Variants in MTNR1A observed in about 807,000 individuals in gnomAD.
The protein encoded by MTNR1A is melatonin receptor type 1A.
MTNR1A carries 7 observed loss-of-function variants against 5.5 expected under a neutral mutation model. That is an observed-to-expected ratio of 1.28 (90% CI 0.73 to 2.40). The LOEUF is 2.40. MTNR1A is among the 30% of genes most tolerant of loss of function. The pLI, the probability that MTNR1A is intolerant of heterozygous loss-of-function variation, is 0.00. For synonymous variants in MTNR1A, 196 were observed against 202.7 expected, an observed-to-expected ratio of 0.97 and a Z score of 0.28; for missense variants, 441 against 464.4, an observed-to-expected ratio of 0.95 and a Z score of 0.46.
rs1006825275 is a variant in MTNR1A at position 186,553,668 on chromosome 4, C to A, written c.184+1514G>T. Among the ~76,000 whole-genome samples the A allele has an allele frequency of 1.1e-3, 165 of 152,312 alleles. 2 individuals are homozygous for A. The highest frequency in any genetic ancestry group is 3.9e-4 in the East Asian group (2 of 5,182). On this transcript the variant is annotated intron_variant, in intron 1 of 1. Transcript: ENST00000307161. ...TTGGGATTACAGCTGTGGGCCACCA[C>A]ATCCAGCTAATTTTTTGTATTTTTA...
chr4:186,544,039 TGGC>T (rs1394881887), intron 1 of MTNR1A, among the ~76,000 whole-genome samples: 1 of 152,174 alleles, frequency 6.6e-6, no homozygotes, highest in African/African-American at 2.4e-5. Flanking sequence ...AGATGGAGTC[TGGC>T]TCTGTCACCA....
At position 186,555,480 on chromosome 4, in the gene MTNR1A, T is replaced by G; in HGVS notation, c.-115A>C. ...GCCCACGCCCCATCCCGCGCGCTCC[T>G]CCACGCCGCGCCCCCGGACGCCCAC... On this transcript the variant is annotated 5_prime_UTR_variant, in exon 1 of 2. Transcript: ENST00000307161. The surrounding 1 kb of genome is among the most constrained non-coding windows in gnomAD (Gnocchi z 4.1). 7 of 835,744 alleles carry G rather than the reference T, an allele frequency of 8.4e-6. No homozygotes were observed. The highest frequency in any genetic ancestry group is 1.1e-5 in the Non-Finnish European group (7 of 642,288). The allele number at this position is 835,744 out of a possible 1,614,324, so 51.8% of individuals were successfully genotyped here.
chr4:186,533,816 A>G lies in MTNR1A; in HGVS notation c.926T>C (p.Ile309Thr), dbSNP rs746425160. Residue 309 changes from isoleucine to threonine, a missense_variant, in exon 2 of 2, where the codon ATT becomes ACT. By Grantham distance (89) the Ile-to-Thr change is moderately conservative. Coordinates refer to ENST00000307161, the MANE Select transcript of MTNR1A (RefSeq NM_005958.4). ...NQNFRKEYRR[I>T]IVSLCTARVF... ...CCTGGCTGTACAGAGCGAGACTATA[A>G]TTCTCCTGTATTCCTTCCTGAAATT... The G allele has an allele frequency of 1.7e-5, 28 of 1,614,126 alleles. No individual in the cohort carries two copies. The Middle Eastern group carries it at 6.6e-4, about 38-fold the overall frequency.
intron 1 of MTNR1A, among the ~76,000 whole-genome samples, chr4:186,552,627 C>T (rs145595526): frequency 6.6e-6 from 1 of 152,316 alleles, no homozygotes; most frequent in East Asian, 1.9e-4. Context: ...AAAGTATTCT[C>T]ATATGCGCCA....
Position 186,533,956 on chromosome 4 carries a change from G to A in MTNR1A, c.786C>T (p.Ala262=), listed in dbSNP as rs374615698. The change falls in exon 2 of 2, where the codon GCC becomes GCT. Residue 262 remains alanine, a synonymous_variant. Coordinates refer to ENST00000307161, the MANE Select transcript of MTNR1A (RefSeq NM_005958.4). The part of the protein sequence containing the change: ...APLNFIGLAV[A]SDPASMVPRI... Reference sequence around the variant, plus strand: ...TAGGCACCATGCTGGCGGGGTCAGAGGCCACGGCCAGGCCAATGAAGTTCA... The same window carrying A: ...TAGGCACCATGCTGGCGGGGTCAGAAGCCACGGCCAGGCCAATGAAGTTCA... The A allele has an allele frequency of 6.2e-7, 1 of 1,614,166 alleles. No homozygotes were observed. The highest frequency in any genetic ancestry group is 8.5e-7 in the Non-Finnish European group (1 of 1,180,032).
In MTNR1A at chr4:186,543,858, G is replaced by A. The variant is rs183042967; in HGVS notation, c.185-9301C>T. On this transcript the variant is annotated intron_variant, in intron 1 of 1. Transcript: ENST00000307161. Reference sequence around the variant, plus strand: ...TATAGCTAGAACCCAAGTTGTCAAGGGGTGGACTGTGTTGAATTAGTATTG... The same window carrying A: ...TATAGCTAGAACCCAAGTTGTCAAGAGGTGGACTGTGTTGAATTAGTATTG... Among the ~76,000 whole-genome samples, 614 of 152,284 alleles carry A rather than the reference G, an allele frequency of 4.0e-3. 3 individuals carry two copies. Among genetic ancestry groups the A allele is most frequent in the African/African-American group, 0.013 (561 of 41,560 alleles).
intron 1 of MTNR1A, among the ~76,000 whole-genome samples, chr4:186,548,268 T>C (rs1737196613): frequency 6.6e-6 from 1 of 152,168 alleles, no homozygotes; most frequent in African/African-American, 2.4e-5. Flanking sequence ...GAGAGTTTTA[T>C]TAAAAATGGT....
In MTNR1A at chr4:186,534,345, G is replaced by C. The variant is rs1320950947; in HGVS notation, c.397C>G (p.Leu133Val). 1.9e-6 allele frequency: 3 copies of C among 1,614,030 alleles called. No homozygotes were observed. The African/African-American group carries it at 4.0e-5, about 22-fold the overall frequency. The change falls in exon 2 of 2, where the codon CTC becomes GTC. Residue 133 changes from leucine to valine, a missense_variant. Leu to Val is a conservative substitution (Grantham distance 32). Coordinates refer to ENST00000307161, the MANE Select transcript of MTNR1A (RefSeq NM_005958.4). ...CTGCTGTACAGTTTGTCGTACTTGA[G>C]ACTGTGGCAGATGTAGCAGTAGCGG... ...INRYCYICHS[L>V]KYDKLYSSKN...
rs528331102 is a variant in MTNR1A at position 186,541,474 on chromosome 4, C to T, written c.185-6917G>A. Among the ~76,000 whole-genome samples the T allele has an allele frequency of 2.2e-3, 320 of 147,004 alleles. 2 individuals carry two copies. The highest frequency in any genetic ancestry group is 4.2e-3 in the Admixed American group (61 of 14,676). The stretch of plus-strand genomic sequence containing the variant: ...ATGGTCAGCTCGATCAGGTTGGAGA[C>T]GGCTGATCTAGCTGACCATTAGCCA... On this transcript the variant is annotated intron_variant, in intron 1 of 1. Transcript: ENST00000307161.
chr4:186,537,439 C>A (rs1404470973), intron 1 of MTNR1A, among the ~76,000 whole-genome samples: 1 of 152,090 alleles, frequency 6.6e-6, no homozygotes, highest in Non-Finnish European at 1.5e-5. Flanking sequence ...TTACAGATAT[C>A]CAGGACTGTA....
At chr4:186,544,395 T>C (rs974412570) in intron 1 of MTNR1A, among the ~76,000 whole-genome samples, 1 of 152,188 alleles carries the variant, frequency 6.6e-6, no homozygotes, top group African/African-American at 2.4e-5. Flanking sequence ...ACTAAGTAAA[T>C]CTACAGGATC....
rs778736102 is a variant in MTNR1A at position 186,534,252 on chromosome 4, G to T, written c.490C>A (p.Arg164Ser). 6.2e-7 allele frequency: 1 copy of T among 1,614,158 alleles called. No homozygotes were observed. ...GGGTCGTACTGGAGAGTCCCTGCAC[G>T]GAGGTTGGGCAGGACGGCCGCCAGC... is the stretch of plus-strand genomic sequence containing the variant. The part of the protein sequence containing the change: ...LTLAAVLPNL[R>S]AGTLQYDPRI... The change falls in exon 2 of 2, where the codon CGT becomes AGT. Residue 164 changes from arginine (R) to serine (S), a missense_variant. Arg to Ser is a moderately radical substitution (Grantham distance 110). Transcript: ENST00000307161.
intron 1 of MTNR1A, among the ~76,000 whole-genome samples, chr4:186,544,786 C>G (rs568073266): frequency 3.9e-5 from 6 of 152,324 alleles, no homozygotes; most frequent in Admixed American, 3.9e-4. Flanking sequence ...TTCTGCTCAT[C>G]CTCTGTCTTT....
At chr4:186,539,213 T>TAAAA (rs59170135) in intron 1 of MTNR1A, among the ~76,000 whole-genome samples, 47 of 115,784 alleles carry the variant, frequency 4.1e-4, no homozygotes, top group African/African-American at 1.4e-3. Flanking sequence ...AAGACTCCAT[T>TAAAA]AAAAAAAAAA....
chr4:186,548,123 T>C (rs1289644037), intron 1 of MTNR1A, among the ~76,000 whole-genome samples: 1 of 152,168 alleles, frequency 6.6e-6, no homozygotes, highest in Non-Finnish European at 1.5e-5. Flanking sequence ...AAAAAAACTA[T>C]ATGAACTCTC....
At chr4:186,540,896 G>T (rs549456580) in intron 1 of MTNR1A, among the ~76,000 whole-genome samples, 9 of 148,834 alleles carry the variant, frequency 6.0e-5, no homozygotes, top group Non-Finnish European at 1.5e-5. Context: ...GGTGCTGTCT[G>T]TCTGAAGGAC....
At position 186,534,384 on chromosome 4, in the gene MTNR1A, C is replaced by T. The variant is rs148108300; in HGVS notation, c.358G>A (p.Gly120Ser). Residue 120 changes from glycine (G) to serine (S), a missense_variant, in exon 2 of 2, where the codon GGC becomes AGC. Transcript: ENST00000307161. ...SVIGSIFNIT[G>S]IAINRYCYIC... ...TAGCAGTAGCGGTTGATGGCGATGC[C>T]GGTGATGTTGAATATGGAGCCGATG... is the stretch of plus-strand genomic sequence containing the variant. 7.4e-6 allele frequency: 12 copies of T among 1,613,870 alleles called. No homozygotes were observed. The African/African-American group carries it at 1.1e-4, about 14-fold the overall frequency.
chr4:186,554,724 T>C (rs1234041006), intron 1 of MTNR1A, among the ~76,000 whole-genome samples: 1 of 152,218 alleles, frequency 6.6e-6, no homozygotes, highest in East Asian at 1.9e-4. Flanking sequence ...GGCTCGTAAC[T>C]GCAGACTACT....
chr4:186,534,227 G>C lies in MTNR1A; in HGVS notation c.515C>G (p.Pro172Arg). The stretch of plus-strand genomic sequence containing the variant: ...GGCGAAGGTGCACGAGTAGATCCTC[G>C]GGTCGTACTGGAGAGTCCCTGCACG... ...NLRAGTLQYD[P>R]RIYSCTFAQS... Residue 172 changes from proline to arginine, a missense_variant, in exon 2 of 2, where the codon CCG becomes CGG. Transcript: ENST00000307161. 1 of 1,614,082 alleles carries C rather than the reference G, an allele frequency of 6.2e-7. No homozygotes were observed. The highest frequency in any genetic ancestry group is 8.5e-7 in the Non-Finnish European group (1 of 1,179,984).
Sources: allele counts gnomAD v4.1 joint callset (sites outside exome capture counted in the v4.1 genomes callset), GRCh38; gene constraint gnomAD v4.1.1; non-coding constraint Gnocchi (gnomAD v3.1); transcripts MANE v1.5; gene names NCBI Gene and HGNC (gene_info 2026-07-23, HGNC 2026-07-21).